GRIK3: variants seen among roughly 807,000 people sequenced by gnomAD.
The protein encoded by GRIK3 is glutamate ionotropic receptor kainate type subunit 3, also known as glutamate receptor ionotropic, kainate 3.
Under a neutral mutation model 102.5 loss-of-function variants are expected in GRIK3, and 29 were observed. The observed-to-expected ratio is 0.28, with a 90% CI of 0.21 to 0.39. GRIK3 has a LOEUF of 0.39. Ranked by LOEUF, GRIK3 falls within the 10% of genes least tolerant of loss-of-function variation. The probability of loss-of-function intolerance (pLI) is 1.00; values close to 1 mark genes in which losing one functional copy is unlikely to be tolerated. For missense variants in GRIK3, 908 were observed against 1,252.4 expected, an observed-to-expected ratio of 0.73 and a Z score of 4.15; for synonymous variants, 511 against 504.9, an observed-to-expected ratio of 1.01 and a Z score of -0.16.
chr1:36,810,718 A>G (rs1348553487), intron 13 of GRIK3, among the ~76,000 whole-genome samples: 1 of 152,226 alleles, frequency 6.6e-6, no homozygotes, highest in African/African-American at 2.4e-5. Context: ...TGGCTTTCTT[A>G]TCTCTGAGTG....
intron 1 of GRIK3, among the ~76,000 whole-genome samples, chr1:36,927,571 A>G (rs1056457911): frequency 6.6e-6 from 1 of 152,202 alleles, no homozygotes; most frequent in African/African-American, 2.4e-5. Context: ...GCCACACTCC[A>G]TGTCGCCTTA....
chr1:36,816,997 G>C, intron 13 of GRIK3, 63 bp downstream of exon 13: 1 of 1,158,634 alleles, frequency 8.6e-7, no homozygotes, highest in Non-Finnish European at 1.3e-6. Context: ...TTCCTCTTCT[G>C]CTCAGTAAAG....
chr1:37,024,094 G>T (rs1035332492), intron 1 of GRIK3, among the ~76,000 whole-genome samples: 1 of 152,196 alleles, frequency 6.6e-6, no homozygotes, highest in African/African-American at 2.4e-5. Context: ...AGACTGAATG[G>T]CTGCTAAAAA....
At chr1:36,921,474 T>C (rs1423364466) in intron 1 of GRIK3, among the ~76,000 whole-genome samples, 2 of 152,206 alleles carry the variant, frequency 1.3e-5, no homozygotes, top group South Asian at 2.1e-4. Flanking sequence ...CTCTGAACGA[T>C]ATCTCGATTC....
At chr1:37,002,869 G>A (rs2124036473) in intron 1 of GRIK3, among the ~76,000 whole-genome samples, 1 of 151,916 alleles carries the variant, frequency 6.6e-6, no homozygotes, top group Admixed American at 6.6e-5. Context: ...TCAAACTCCT[G>A]GCCTCAAGTG....
intron 9 of GRIK3, among the ~76,000 whole-genome samples, chr1:36,844,098 A>G (rs1640492571): frequency 1.3e-5 from 2 of 152,144 alleles, no homozygotes; most frequent in Admixed American, 6.5e-5. Flanking sequence ...CAGCAGTGCT[A>G]CTTCTCTAAA....
chr1:36,938,512 A>G (rs193289269), intron 1 of GRIK3, among the ~76,000 whole-genome samples: 1 of 152,280 alleles, frequency 6.6e-6, no homozygotes, highest in East Asian at 1.9e-4. Context: ...CATTGGAGAA[A>G]TGTGTTTTCA....
rs565862037 is a variant in GRIK3 at position 36,816,980 on chromosome 1, AC to A, written c.2091+79del. ...CATGCGTGGTTAGGGAAGGACAGAG[AC>A]CCCCTTTCCTCTTCTGCTCAGTAAA... On this transcript the variant is annotated intron_variant, in intron 13 of 15. Coordinates refer to ENST00000373091, the MANE Select transcript of GRIK3 (RefSeq NM_000831.4). The A allele has an allele frequency of 2.6e-4, 245 of 948,146 alleles. 2 individuals are homozygous for A. The African/African-American group carries it at 3.7e-3, about 14-fold the overall frequency. The allele number at this position is 948,146 out of a possible 1,614,324, so 58.7% of individuals were successfully genotyped here. A position where few individuals can be genotyped will look rare whatever the true frequency, so the allele number is the denominator to read the frequency against.
chr1:36,914,731 C>T (rs1167846662), intron 1 of GRIK3, among the ~76,000 whole-genome samples: 2 of 152,172 alleles, frequency 1.3e-5, no homozygotes, highest in African/African-American at 2.4e-5. Flanking sequence ...CCAACGGGCC[C>T]CACCAAATGA....
At chr1:36,933,292 A>C (rs188906281) in intron 1 of GRIK3, among the ~76,000 whole-genome samples, 1 of 152,210 alleles carries the variant, frequency 6.6e-6, no homozygotes, top group Admixed American at 6.5e-5. Context: ...GTCAAACCTC[A>C]GTTCACACGC....
intron 1 of GRIK3, among the ~76,000 whole-genome samples, chr1:36,973,903 GAAGGTCACTCAGCCCCT>G: frequency 6.6e-6 from 1 of 152,112 alleles, no homozygotes; most frequent in African/African-American, 2.4e-5. Flanking sequence ...TGAATTTTGG[GAAGGTCACTCAGCCCCT>G]CATGAGAAAG....
At chr1:36,954,214 G>A (rs1325628890) in intron 1 of GRIK3, among the ~76,000 whole-genome samples, 1 of 152,192 alleles carries the variant, frequency 6.6e-6, no homozygotes, top group Non-Finnish European at 1.5e-5. Context: ...CCCTCACCAA[G>A]CTCACCTCTC....
chr1:36,921,118 C>T lies in GRIK3; in HGVS notation c.116-30022G>A, dbSNP rs373693737. ...AAGTCCTGTGGGTGGACACGGATGCCGAAATCTCCTCCTCTGCCATCCTTT... is the reference window on the plus strand; with the variant it reads ...AAGTCCTGTGGGTGGACACGGATGCTGAAATCTCCTCCTCTGCCATCCTTT... On this transcript the variant is annotated intron_variant, in intron 1 of 15. Coordinates refer to ENST00000373091, the MANE Select transcript of GRIK3 (RefSeq NM_000831.4). Among the ~76,000 whole-genome samples, 13 of 152,318 alleles carry T rather than the reference C, an allele frequency of 8.5e-5. No individual in the cohort carries two copies. The East Asian group carries it at 1.2e-3, about 14-fold the overall frequency.
chr1:36,802,045 G>T lies in GRIK3; in HGVS notation c.2566C>A (p.Arg856Ser), dbSNP rs1039838704. ...KLRKTAEREQ[R>S]SFCSTVADEI... is the part of the protein sequence containing the mutation. ...TCGGCCACGGTGCTGCAGAAGGAAC[G>T]CTGCAGGAGGGTGGAGGAGAGGGGT... The change falls in exon 16 of 16, where the codon CGT becomes AGT. Residue 856 changes from arginine (R) to serine (S), a missense_variant and splice_region_variant. Physicochemically the swap from Arg to Ser is moderately radical, Grantham distance 110. Around this residue, in one of 3 missense-constraint regions of GRIK3, gnomAD observed 297 missense variants for 362.7 expected, o/e 0.82. Coordinates refer to ENST00000373091, the MANE Select transcript of GRIK3 (RefSeq NM_000831.4). The T allele has an allele frequency of 6.2e-7, 1 of 1,604,414 alleles. No individual in the cohort carries two copies. The highest frequency in any genetic ancestry group is 1.3e-5 in the African/African-American group (1 of 74,746).
intron 1 of GRIK3, among the ~76,000 whole-genome samples, chr1:36,952,295 C>T (rs1641853015): frequency 6.6e-6 from 1 of 152,204 alleles, no homozygotes; most frequent in Non-Finnish European, 1.5e-5. Context: ...TCTTCAGTCC[C>T]CTCCCCTCTG....
chr1:37,033,854 G>C, intron 1 of GRIK3, 140 bp downstream of exon 1: 1 of 519,396 alleles, frequency 1.9e-6, no homozygotes, highest in Non-Finnish European at 3.4e-6. Flanking sequence ...GTCCTCACAG[G>C]GAGGAGCTCC....
intron 1 of GRIK3, among the ~76,000 whole-genome samples, chr1:36,914,890 C>T (rs542878726): frequency 2.0e-5 from 3 of 152,184 alleles, no homozygotes; most frequent in Non-Finnish European, 1.5e-5. Flanking sequence ...CTGGGCAGGG[C>T]ACAACAGGAG....
At chr1:36,852,667 C>T (rs917800762) in intron 8 of GRIK3, among the ~76,000 whole-genome samples, 2 of 152,174 alleles carry the variant, frequency 1.3e-5, no homozygotes, top group Non-Finnish European at 2.9e-5. Flanking sequence ...AGGGCACTGC[C>T]GGGGTGGAGA....
At chr1:36,898,155 G>A (rs1397758243) in intron 1 of GRIK3, among the ~76,000 whole-genome samples, 1 of 151,780 alleles carries the variant, frequency 6.6e-6, no homozygotes, top group African/African-American at 2.4e-5. Flanking sequence ...GTGGGGGGAG[G>A]TGGGGGTGCT....
Sources: gnomAD v4.1 joint callset for allele counts (sites outside exome capture counted in the v4.1 genomes callset) on GRCh38, gnomAD v4.1.1 for gene constraint, gnomAD v4.1.1 regional missense constraint, MANE v1.5 for transcripts, NCBI Gene and HGNC (gene_info 2026-07-23, HGNC 2026-07-21) for gene names.